THSD7B: variants seen among roughly 807,000 people sequenced by gnomAD.
The protein encoded by THSD7B is thrombospondin type 1 domain containing 7B, also known as thrombospondin type-1 domain-containing protein 7B.
Under a neutral mutation model 213.6 loss-of-function variants are expected in THSD7B, and 138 were observed. The observed-to-expected ratio is 0.65, with a 90% confidence interval of 0.56 to 0.74. THSD7B has a LOEUF of 0.74. THSD7B is among the 30% of genes least tolerant of loss of function. THSD7B has a pLI of 0.00. For synonymous variants in THSD7B, 742 were observed against 687.0 expected, an observed-to-expected ratio of 1.08 and a Z score of -1.25; for missense variants, 1,931 against 1,991.5, an observed-to-expected ratio of 0.97 and a Z score of 0.58.
chr2:137,618,530 T>C, intron 19 of THSD7B, 23 bp downstream of exon 19: 1 of 1,603,196 alleles, frequency 6.2e-7, no homozygotes, highest in Non-Finnish European at 8.5e-7. Context: ...TATTCATATC[T>C]CACATCCAAG....
At chr2:136,913,453 T>G (rs1014267949) in intron 2 of THSD7B, among the ~76,000 whole-genome samples, 1 of 152,258 alleles carries the variant, frequency 6.6e-6, no homozygotes, top group Non-Finnish European at 1.5e-5. Flanking sequence ...AGCCTAATGT[T>G]AATCCCCAAG....
intron 15 of THSD7B, among the ~76,000 whole-genome samples, chr2:137,458,845 A>T (rs1427865011): frequency 6.6e-6 from 1 of 152,302 alleles, no homozygotes; most frequent in South Asian, 2.1e-4. Context: ...TAAACTTTTC[A>T]TAAAGATCAG....
chr2:137,073,885 T>C (rs1299038852), intron 3 of THSD7B, among the ~76,000 whole-genome samples: 1 of 152,226 alleles, frequency 6.6e-6, no homozygotes, highest in Non-Finnish European at 1.5e-5. Context: ...TTCCATGTAG[T>C]TGAGCGGTTT....
intron 2 of THSD7B, among the ~76,000 whole-genome samples, chr2:137,018,981 A>T (rs1317312880): frequency 6.6e-6 from 1 of 152,122 alleles, no homozygotes; most frequent in Admixed American, 6.5e-5. Flanking sequence ...TTGGCTAAAG[A>T]TTTTAGTCTC....
chr2:137,106,583 G>T (rs1688255759), intron 4 of THSD7B, among the ~76,000 whole-genome samples: 1 of 152,114 alleles, frequency 6.6e-6, no homozygotes, highest in African/African-American at 2.4e-5. Flanking sequence ...CACAACAAAA[G>T]AAACTATCAT....
chr2:137,595,701 T>TA (rs1315357620), intron 17 of THSD7B, among the ~76,000 whole-genome samples: 1 of 151,988 alleles, frequency 6.6e-6, no homozygotes, highest in Non-Finnish European at 1.5e-5. Flanking sequence ...AATTTCATTT[T>TA]AAAAATATAC....
intron 20 of THSD7B, among the ~76,000 whole-genome samples, chr2:137,626,544 T>A (rs894926583): frequency 6.6e-6 from 1 of 151,992 alleles, no homozygotes; most frequent in Non-Finnish European, 1.5e-5. Context: ...ACCACCTGGC[T>A]CTCTTTTAGC....
rs1225106642 is a variant in THSD7B at position 136,882,186 on chromosome 2, C to T, written c.8C>T (p.Pro3Leu). 4 of 1,507,204 alleles carry T rather than the reference C, an allele frequency of 2.7e-6. No homozygotes were observed. The highest frequency in any genetic ancestry group is 2.3e-5 in the Admixed American group (1 of 43,100). The allele number at this position is 1,507,204 out of a possible 1,614,324, so 93.4% of individuals were successfully genotyped here. The change falls in exon 2 of 28, where the codon CCA becomes CTA. Residue 3 changes from proline (P) to leucine (L), a missense_variant. By Grantham distance (98) the Pro-to-Leu change is moderately conservative (BLOSUM62 -3). Coordinates refer to ENST00000409968, the MANE Select transcript of THSD7B (RefSeq NM_001316349.2). ...GGCTGAAAAATCTGAAGCATGTTTC[C>T]AAAGAGCAACCTAACAGTCACTTGC... MF[P>L]KSNLTVTCWV...
intron 1 of THSD7B, among the ~76,000 whole-genome samples, chr2:136,842,984 T>C (rs1682940577): frequency 6.6e-6 from 1 of 152,158 alleles, no homozygotes; most frequent in African/African-American, 2.4e-5. Context: ...TGTACTCTAA[T>C]CAGGTACTGA....
chr2:137,355,793 TC>T (rs1226232335), intron 12 of THSD7B, among the ~76,000 whole-genome samples: 3 of 152,334 alleles, frequency 2.0e-5, no homozygotes, highest in African/African-American at 7.2e-5. Flanking sequence ...TGCCCCTTTT[TC>T]CTTCTCTGTA....
At chr2:136,765,863 C>A (rs1053004593) in intron 1 of THSD7B, among the ~76,000 whole-genome samples, 176 bp downstream of exon 1, 7 of 152,224 alleles carry the variant, frequency 4.6e-5, no homozygotes, top group Non-Finnish European at 1.5e-5. Flanking sequence ...AACTTGGAAG[C>A]GGATCTTCTC....
intron 5 of THSD7B, among the ~76,000 whole-genome samples, chr2:137,157,319 G>T (rs1679928332): frequency 6.6e-6 from 1 of 152,202 alleles, no homozygotes; most frequent in Non-Finnish European, 1.5e-5. Flanking sequence ...TATCCCACTT[G>T]CACTGCAGAT....
At chr2:137,481,952 C>T (rs759847440) in intron 15 of THSD7B, among the ~76,000 whole-genome samples, 12 of 152,142 alleles carry the variant, frequency 7.9e-5, no homozygotes, top group Non-Finnish European at 1.5e-4. Context: ...CCAAGGCAGG[C>T]GGATCACGAG....
chr2:137,387,708 T>C (rs1162782401), intron 12 of THSD7B, among the ~76,000 whole-genome samples: 1 of 152,188 alleles, frequency 6.6e-6, no homozygotes, highest in Non-Finnish European at 1.5e-5. Flanking sequence ...TGTTATGATC[T>C]GAAGGACCCA....
At chr2:137,496,999 A>G (rs1032054797) in intron 15 of THSD7B, among the ~76,000 whole-genome samples, 3 of 152,172 alleles carry the variant, frequency 2.0e-5, no homozygotes, top group African/African-American at 7.2e-5. Context: ...CATTCTTTCT[A>G]TTCTGCAGAG....
At chr2:137,077,122 C>T (rs1051370459) in intron 3 of THSD7B, among the ~76,000 whole-genome samples, 1 of 152,040 alleles carries the variant, frequency 6.6e-6, no homozygotes, top group Non-Finnish European at 1.5e-5. Context: ...TGATGGTTTC[C>T]AGCTTCATCC....
intron 1 of THSD7B, among the ~76,000 whole-genome samples, chr2:136,821,601 A>G (rs1478293100): frequency 6.6e-6 from 1 of 152,142 alleles, no homozygotes; most frequent in African/African-American, 2.4e-5. Context: ...GACTTGGTGG[A>G]GAAGGTCCCT....
chr2:137,109,506 A>G (rs535271448), intron 4 of THSD7B, among the ~76,000 whole-genome samples: 4 of 152,334 alleles, frequency 2.6e-5, no homozygotes, highest in Non-Finnish European at 5.9e-5. Context: ...ATGTAAAATC[A>G]GTAGGAGCGC....
chr2:137,246,507 C>T (rs559020389), intron 10 of THSD7B, among the ~76,000 whole-genome samples: 3 of 152,280 alleles, frequency 2.0e-5, no homozygotes, highest in Admixed American at 6.5e-5. Flanking sequence ...GGATGAATTC[C>T]GTCAGGTTTT....
Sources: gnomAD v4.1 joint callset for allele counts (sites outside exome capture counted in the v4.1 genomes callset) on GRCh38, gnomAD v4.1.1 for gene constraint, MANE v1.5 for transcripts, NCBI Gene and HGNC (gene_info 2026-07-23, HGNC 2026-07-21) for gene names.